Variants in STK3 observed in about 807,000 individuals in gnomAD.
The protein encoded by STK3 is serine/threonine kinase 3.
STK3 carries 41 observed loss-of-function variants against 58.0 expected under a neutral mutation model. That is an observed-to-expected ratio of 0.71 (90% CI 0.55 to 0.92). The LOEUF (loss-of-function observed/expected upper bound fraction) is 0.92, where lower values mean the gene tolerates loss of function less well. Ranked by LOEUF, STK3 falls within the 40% of genes least tolerant of loss-of-function variation. The pLI, the probability that STK3 is intolerant of heterozygous loss-of-function variation, is 0.00. For missense variants in STK3, 479 were observed against 602.7 expected (o/e 0.79, Z 2.15); for synonymous variants, 170 against 191.0 (o/e 0.89, Z 0.91).
At chr8:98,413,592 G>T in intron 3 of STK3, 1 of 687,576 alleles carries the variant, frequency 1.5e-6, no homozygotes, top group Non-Finnish European at 2.8e-6. Flanking sequence ...AATGTTGAGA[G>T]TTGTTTCAAT....
chr8:98,591,456 C>T (rs190026682), intron 7 of STK3, among the ~76,000 whole-genome samples: 1 of 152,256 alleles, frequency 6.6e-6, no homozygotes, highest in East Asian at 1.9e-4. Flanking sequence ...TTATCAGGAC[C>T]TAACTCCATT....
At chr8:98,528,622 G>C (rs1234434685) in intron 9 of STK3, among the ~76,000 whole-genome samples, 1 of 152,106 alleles carries the variant, frequency 6.6e-6, no homozygotes, top group Admixed American at 6.5e-5. Flanking sequence ...AAGTAGCTGG[G>C]ATTACAGGCA....
At chr8:98,609,934 T>C (rs1448240903) in intron 6 of STK3, among the ~76,000 whole-genome samples, 2 of 147,602 alleles carry the variant, frequency 1.4e-5, no homozygotes, top group African/African-American at 5.0e-5. Flanking sequence ...ACCACCGCAC[T>C]CCAGCCTGGG....
chr8:98,940,587 C>T (rs956916969), intron 1 of STK3, among the ~76,000 whole-genome samples: 5 of 152,116 alleles, frequency 3.3e-5, no homozygotes, highest in Non-Finnish European at 7.4e-5. Context: ...CCTCAGCTCC[C>T]GCAGACGCGG....
At chr8:98,515,471 G>T (rs187259553) in intron 10 of STK3, among the ~76,000 whole-genome samples, 1 of 152,098 alleles carries the variant, frequency 6.6e-6, no homozygotes, top group Admixed American at 6.6e-5. Context: ...CTCCATGTCT[G>T]TATTCCTACT....
chr8:98,830,969 CAAAAAA>C (rs760622434), intron 3 of STK3, among the ~76,000 whole-genome samples: 2 of 59,926 alleles, frequency 3.3e-5, no homozygotes, highest in Admixed American at 2.0e-4. Flanking sequence ...GACTCTGTCT[CAAAAAA>C]AAAAAAAAAA....
the STK3 span, among the ~76,000 whole-genome samples, chr8:98,362,834 G>A: frequency 6.6e-6 from 1 of 152,108 alleles, no homozygotes; most frequent in Non-Finnish European, 1.5e-5. Context: ...CTCTTCCCTG[G>A]GTCTGCTCCC....
At chr8:98,911,613 C>T (rs181580097) in intron 1 of STK3, among the ~76,000 whole-genome samples, 6 of 152,106 alleles carry the variant, frequency 3.9e-5, no homozygotes, top group East Asian at 3.9e-4. Context: ...AGGCTGGTCT[C>T]GAACTCTTGG....
chr8:98,435,750 G>A (rs973815945), intron 2 of STK3, among the ~76,000 whole-genome samples: 2 of 152,136 alleles, frequency 1.3e-5, no homozygotes, highest in African/African-American at 2.4e-5. Context: ...CATGTTGCCC[G>A]AGTGCCTGGG....
chr8:98,812,802 C>T (rs1444869080), intron 1 of STK3, among the ~76,000 whole-genome samples: 3 of 152,118 alleles, frequency 2.0e-5, no homozygotes, highest in Admixed American at 6.5e-5. Context: ...AAGCAAACAC[C>T]GCATGTTCTC....
At position 98,460,153 on chromosome 8, in the gene STK3, T is replaced by C. The variant is rs983282385; in HGVS notation, c.1318-4153A>G. On this transcript the variant is annotated intron_variant, in intron 10 of 10. Coordinates refer to ENST00000419617, the MANE Select transcript of STK3 (RefSeq NM_006281.4). ...ACCTGCAAAGCCACAGGGGTAGTGC[T>C]ACCCAAGACCATGGGAGCCCACCTC... 2.0e-5 allele frequency among the ~76,000 whole-genome samples: 3 copies of C among 152,330 alleles called. No individual in the cohort carries two copies. In the East Asian group the frequency reaches 5.8e-4, roughly 29 times the overall value.
chr8:98,682,364 T>C (rs1426919525), intron 6 of STK3, among the ~76,000 whole-genome samples: 3 of 152,220 alleles, frequency 2.0e-5, no homozygotes, highest in African/African-American at 4.8e-5. Flanking sequence ...ACAATTGTTA[T>C]GTTAAATTAC....
At chr8:98,459,714 AG>A (rs904243650) in intron 10 of STK3, among the ~76,000 whole-genome samples, 3 of 152,224 alleles carry the variant, frequency 2.0e-5, no homozygotes, top group Non-Finnish European at 4.4e-5. Context: ...TTTCAGTTCC[AG>A]TCATGGCTAA....
At chr8:98,399,509 G>A (rs975484296), downstream of STK3, among the ~76,000 whole-genome samples, 1 of 152,244 alleles carries the variant, frequency 6.6e-6, no homozygotes, top group Non-Finnish European at 1.5e-5. Context: ...TGGGAAGGGG[G>A]TTTTGTGCCA....
At chr8:98,939,585 C>A (rs1011623844) in intron 1 of STK3, among the ~76,000 whole-genome samples, 2 of 152,204 alleles carry the variant, frequency 1.3e-5, no homozygotes, top group African/African-American at 4.8e-5. Flanking sequence ...AGTCTGGAGA[C>A]GGGAGGGTAG....
intron 3 of STK3, chr8:98,412,739 T>G (rs1214756211): frequency 6.5e-6 from 1 of 153,308 alleles, no homozygotes; most frequent in Non-Finnish European, 1.5e-5. Flanking sequence ...GCTTTACTTT[T>G]TTAACATAGA....
At chr8:98,706,800 G>A (rs543403695) in intron 5 of STK3, among the ~76,000 whole-genome samples, 166 bp from the exon 6 acceptor site, 2 of 152,124 alleles carry the variant, frequency 1.3e-5, no homozygotes, top group South Asian at 2.1e-4. Context: ...TAGGAATTCC[G>A]AATTCTGAAA....
chr8:98,558,910 C>A, intron 8 of STK3, among the ~76,000 whole-genome samples: 1 of 151,846 alleles, frequency 6.6e-6, no homozygotes, highest in South Asian at 2.1e-4. Flanking sequence ...ACATACAATT[C>A]AAAAGAAGAC....
chr8:98,514,810 C>T (rs1013043615), intron 10 of STK3, among the ~76,000 whole-genome samples: 5 of 152,064 alleles, frequency 3.3e-5, no homozygotes, highest in African/African-American at 1.2e-4. Flanking sequence ...GTACTTTCAA[C>T]TATCTAATAG....
Sources: gnomAD v4.1 joint callset for allele counts (sites outside exome capture counted in the v4.1 genomes callset) on GRCh38, gnomAD v4.1.1 for gene constraint, MANE v1.5 for transcripts, NCBI Gene and HGNC (gene_info 2026-07-23, HGNC 2026-07-21) for gene names.